Variants in SLC25A13 observed in about 807,000 individuals in gnomAD.
SLC25A13 encodes the protein electrogenic aspartate/glutamate antiporter SLC25A13, mitochondrial.
A neutral mutation model predicts 85.5 loss-of-function variants in SLC25A13; 70 were observed. The ratio of observed to expected loss-of-function variants is 0.82; its 90% CI spans 0.68 to 1.00. The LOEUF is 1.00. Among genes scored for constraint, SLC25A13 ranks in the 50% least tolerant of loss-of-function variants. The probability of loss-of-function intolerance (pLI) is 0.00; values close to 1 mark genes in which losing one functional copy is unlikely to be tolerated. For synonymous variants in SLC25A13, 259 were observed against 288.7 expected, an observed-to-expected ratio of 0.90 and a Z score of 1.04; for missense variants, 765 against 819.8, an observed-to-expected ratio of 0.93 and a Z score of 0.82.
At chr7:96,125,835 C>T (rs1359366874) in intron 15 of SLC25A13, among the ~76,000 whole-genome samples, 13 of 142,776 alleles carry the variant, frequency 9.1e-5, no homozygotes, top group Admixed American at 3.6e-4. Flanking sequence ...TCAGAACTAA[C>T]GCTTGATATT....
At chr7:96,128,362 C>G (rs780965478) in intron 15 of SLC25A13, among the ~76,000 whole-genome samples, 6 of 152,162 alleles carry the variant, frequency 3.9e-5, no homozygotes, top group Non-Finnish European at 7.3e-5. Flanking sequence ...ACATCCTTGT[C>G]TTATTCCTAA....
rs932762013 is a variant in SLC25A13 at position 96,208,568 on chromosome 7, C to T, written c.468+270G>A. Among the ~76,000 whole-genome samples, 8 of 149,464 alleles carry T rather than the reference C, an allele frequency of 5.4e-5. No individual in the cohort carries two copies. The South Asian group carries it at 1.1e-3, about 20-fold the overall frequency. On this transcript the variant is annotated intron_variant, in intron 5 of 17. Coordinates refer to ENST00000265631, the MANE Select transcript of SLC25A13 (RefSeq NM_014251.3). ...TCACCCAGGCCGGACTGCAGTGGTG[C>T]GATCTCAGCTCACTGCAAGCTCCAC...
chr7:96,181,550 G>T (rs1432589302), intron 11 of SLC25A13, among the ~76,000 whole-genome samples: 2 of 151,924 alleles, frequency 1.3e-5, no homozygotes, highest in Admixed American at 6.5e-5. Context: ...TAATAAGATC[G>T]CATGCTACAA....
chr7:96,168,488 G>C (rs1478855781), intron 13 of SLC25A13, among the ~76,000 whole-genome samples: 2 of 152,140 alleles, frequency 1.3e-5, no homozygotes, highest in East Asian at 3.9e-4. Flanking sequence ...CTTTGTGTTT[G>C]AAATGGGCGG....
chr7:96,123,277 T>G (rs1051580838), intron 15 of SLC25A13, among the ~76,000 whole-genome samples: 7 of 152,148 alleles, frequency 4.6e-5, no homozygotes, highest in African/African-American at 1.4e-4. Flanking sequence ...TCCTCCAACA[T>G]AATGGAAGGA....
At chr7:96,129,000 A>AT (rs1157739782) in intron 15 of SLC25A13, among the ~76,000 whole-genome samples, 2 of 123,942 alleles carry the variant, frequency 1.6e-5, no homozygotes, top group Middle Eastern at 5.4e-3. Context: ...GCTCTGGGGA[A>AT]TCTACTGCCA....
intron 4 of SLC25A13, among the ~76,000 whole-genome samples, chr7:96,223,858 T>C (rs1796229644): frequency 6.6e-6 from 1 of 150,430 alleles, no homozygotes; most frequent in Non-Finnish European, 1.5e-5. Flanking sequence ...AGGCTATTAA[T>C]GTGGTACAAC....
chr7:96,161,033 T>C (rs1315582654), intron 13 of SLC25A13, among the ~76,000 whole-genome samples: 1 of 151,918 alleles, frequency 6.6e-6, no homozygotes, highest in African/African-American at 2.4e-5. Context: ...TCCTCTTTTC[T>C]ATGATTCCTT....
chr7:96,170,754 A>G (rs1010305921), intron 12 of SLC25A13, among the ~76,000 whole-genome samples: 6 of 152,220 alleles, frequency 3.9e-5, no homozygotes, highest in African/African-American at 1.4e-4. Context: ...ACAAAATGGT[A>G]AAAGAAGAAT....
intron 1 of SLC25A13, among the ~76,000 whole-genome samples, chr7:96,320,612 G>C (rs1336549530): frequency 6.6e-6 from 1 of 152,176 alleles, no homozygotes; most frequent in Non-Finnish European, 1.5e-5. Flanking sequence ...CTGCTGAAAA[G>C]TTATAGATAG....
chr7:96,230,151 T>C (rs1218649681), intron 4 of SLC25A13, among the ~76,000 whole-genome samples: 4 of 152,162 alleles, frequency 2.6e-5, no homozygotes, highest in East Asian at 1.9e-4. Context: ...TGGAATTCAA[T>C]ACAGTGAAGA....
intron 3 of SLC25A13, among the ~76,000 whole-genome samples, chr7:96,257,387 C>G (rs1797679973): frequency 6.6e-6 from 1 of 152,064 alleles, no homozygotes. Flanking sequence ...GGGGAGATCA[C>G]CACTGATCCC....
chr7:96,305,551 T>A (rs897289498), intron 1 of SLC25A13, among the ~76,000 whole-genome samples: 1 of 152,194 alleles, frequency 6.6e-6, no homozygotes, highest in Non-Finnish European at 1.5e-5. Context: ...TATTAGCAAG[T>A]GTCAAATTAC....
chr7:96,228,110 C>CA (rs1490936799), intron 4 of SLC25A13, among the ~76,000 whole-genome samples: 1 of 152,128 alleles, frequency 6.6e-6, no homozygotes, highest in Admixed American at 6.5e-5. Context: ...GTGATCCACC[C>CA]GCCTTGGCCT....
chr7:96,209,232 C>CTGTA (rs995477749), intron 4 of SLC25A13, among the ~76,000 whole-genome samples: 17 of 151,682 alleles, frequency 1.1e-4, no homozygotes, highest in African/African-American at 3.9e-4. Flanking sequence ...AACCTAAAGG[C>CTGTA]TGTAGGAAAC....
intron 1 of SLC25A13, among the ~76,000 whole-genome samples, chr7:96,317,218 C>T (rs1223060966): frequency 1.3e-5 from 2 of 152,080 alleles, no homozygotes; most frequent in Non-Finnish European, 2.9e-5. Flanking sequence ...TCACCTGCCT[C>T]GGCCTCCCAA....
At chr7:96,301,093 G>A (rs929596032) in intron 1 of SLC25A13, among the ~76,000 whole-genome samples, 2 of 152,166 alleles carry the variant, frequency 1.3e-5, no homozygotes, top group African/African-American at 4.8e-5. Flanking sequence ...GAAGTTCTAT[G>A]AGCTGGAAAA....
intron 14 of SLC25A13, among the ~76,000 whole-genome samples, chr7:96,138,788 A>T (rs1459733775): frequency 2.0e-5 from 3 of 152,200 alleles, no homozygotes; most frequent in African/African-American, 7.2e-5. Context: ...AAGAATGGTT[A>T]AAAAAATTGA....
chr7:96,135,424 G>A (rs1224161015), intron 14 of SLC25A13, among the ~76,000 whole-genome samples: 2 of 152,170 alleles, frequency 1.3e-5, no homozygotes, highest in Admixed American at 1.3e-4. Flanking sequence ...TTAGGTCTTA[G>A]GCATAAAGGC....
Sources: allele counts gnomAD v4.1 joint callset (sites outside exome capture counted in the v4.1 genomes callset), GRCh38; gene constraint gnomAD v4.1.1; transcripts MANE v1.5; gene names NCBI Gene and HGNC (gene_info 2026-07-23, HGNC 2026-07-21).